The following DMD variants were observed in gnomAD, a reference collection of about 807,000 sequenced individuals.
The protein encoded by DMD is dystrophin.
DMD carries 63 observed loss-of-function variants against 330.1 expected under a neutral mutation model. That is an observed-to-expected ratio of 0.19 (90% CI 0.16 to 0.24). The LOEUF is 0.24. Among genes scored for constraint, DMD ranks in the 10% least tolerant of loss-of-function variants. DMD has a pLI of 1.00. For missense variants in DMD, 3,344 were observed against 2,684.1 expected, an observed-to-expected ratio of 1.25 and a Z score of -5.43; for synonymous variants, 1,223 against 959.8, an observed-to-expected ratio of 1.27 and a Z score of -5.07.
chrX:32,734,717 C>G (rs2068197178), intron 7 of DMD, among the ~76,000 whole-genome samples: 1 of 110,067 alleles, frequency 9.1e-6, no homozygotes, highest in African/African-American at 3.4e-5. Flanking sequence ...TTCAACAACC[C>G]TTCATGCTAA....
chrX:33,023,291 A>T (rs1418735149), intron 1 of DMD, among the ~76,000 whole-genome samples: 2 of 112,061 alleles, frequency 1.8e-5, no homozygotes. Flanking sequence ...CACAATAAAC[A>T]TGCTCATGCA....
intron 47 of DMD, among the ~76,000 whole-genome samples, chrX:31,894,195 T>G (rs770688309): frequency 8.9e-6 from 1 of 111,838 alleles, no homozygotes; most frequent in Admixed American, 9.5e-5. Flanking sequence ...ACAAAGCAAT[T>G]TTGGATGAGG....
At chrX:32,588,357 T>G (rs972291791) in intron 13 of DMD, among the ~76,000 whole-genome samples, 1 of 112,139 alleles carries the variant, frequency 8.9e-6, no homozygotes, top group African/African-American at 3.2e-5. Context: ...GAAATGAGTT[T>G]TCTATACATA....
chrX:31,289,901 TA>T (rs1451356935), intron 62 of DMD, among the ~76,000 whole-genome samples: 2 of 7,792 alleles, frequency 2.6e-4, no homozygotes, highest in African/African-American at 3.7e-3. Context: ...TTATTCTGTT[TA>T]TTATTATTAT....
rs192409523 is a variant in DMD at position 32,259,796 on chromosome X, G to A, written c.6290+27733C>T. On this transcript the variant is annotated intron_variant, in intron 43 of 78. Coordinates refer to ENST00000357033, the MANE Select transcript of DMD (RefSeq NM_004006.3). ...AGATAAATTAGGACTTTTGATCACC[G>A]TCCCATAAAAGCTTATAATTTGTCT... 3.6e-5 allele frequency among the ~76,000 whole-genome samples: 4 copies of A among 111,421 alleles called. No homozygotes were observed. In the East Asian group the frequency reaches 8.5e-4, roughly 24 times the overall value.
intron 51 of DMD, among the ~76,000 whole-genome samples, chrX:31,772,400 T>C (rs112092842): frequency 0.026 from 2,906 of 112,008 alleles, 96 homozygotes; most frequent in African/African-American, 0.09. Context: ...CATTATAAAA[T>C]ATTGTTTCCT....
At chrX:33,196,733 G>T (rs1484362121) in intron 1 of DMD, among the ~76,000 whole-genome samples, 1 of 111,502 alleles carries the variant, frequency 9.0e-6, no homozygotes, top group Non-Finnish European at 1.9e-5. Flanking sequence ...AAGTAAGCTT[G>T]TGAAGGGGCA....
chrX:32,563,960 A>C (rs1167685477), intron 16 of DMD, among the ~76,000 whole-genome samples: 1 of 111,608 alleles, frequency 9.0e-6, no homozygotes, highest in Non-Finnish European at 1.9e-5. Flanking sequence ...TTCATCACCC[A>C]GGTATTAAGC....
intron 53 of DMD, among the ~76,000 whole-genome samples, chrX:31,662,232 G>T (rs1159105623): frequency 9.0e-6 from 1 of 111,668 alleles, no homozygotes; most frequent in East Asian, 2.8e-4. Flanking sequence ...AGAATTCAGG[G>T]AGAACATTTA....
chrX:32,501,834 C>T lies in DMD; in HGVS notation c.2301G>A (p.Glu767=). 8.3e-7 allele frequency: 1 copy of T among 1,199,878 alleles called. No individual in the cohort carries two copies. The highest frequency in any genetic ancestry group is 1.1e-6 in the Non-Finnish European group (1 of 886,823). Residue 767 remains glutamate (E), a synonymous_variant, in exon 19 of 79, where the codon GAG becomes GAA. Transcript: ENST00000357033. ...TTCTGAACTTCTCAGCTTTTTCTCGCTCTATGGCCTGCAGCATGAGAGCAA... is the reference window on the plus strand; with the variant it reads ...TTCTGAACTTCTCAGCTTTTTCTCGTTCTATGGCCTGCAGCATGAGAGCAA... ...SDLKEKVNAI[E]REKAEKFRKL...
chrX:32,974,918 T>G (rs1170879581), intron 2 of DMD, among the ~76,000 whole-genome samples: 1 of 112,109 alleles, frequency 8.9e-6, no homozygotes, highest in African/African-American at 3.2e-5. Flanking sequence ...ATTAATGACT[T>G]TATTTGGTTA....
chrX:31,780,928 C>G (rs1386058476), intron 50 of DMD, among the ~76,000 whole-genome samples: 1 of 111,525 alleles, frequency 9.0e-6, no homozygotes, highest in Non-Finnish European at 1.9e-5. Context: ...TCATGATAAC[C>G]ATTTGTATTT....
At chrX:31,478,403 G>A in intron 58 of DMD, 29 bp from the exon 59 acceptor site, 2 of 1,209,961 alleles carry the variant, frequency 1.7e-6, no homozygotes, top group Non-Finnish European at 2.2e-6. Flanking sequence ...AAGGTTTTAG[G>A]CCACATTCTT....
intron 52 of DMD, among the ~76,000 whole-genome samples, chrX:31,700,732 ATT>A (rs1310155212): frequency 8.9e-6 from 1 of 112,182 alleles, no homozygotes; most frequent in African/African-American, 3.2e-5. Context: ...AAAATGAATA[ATT>A]TTTTTAAAAA....
intron 50 of DMD, among the ~76,000 whole-genome samples, chrX:31,785,553 C>T (rs753349475): frequency 9.0e-6 from 1 of 111,185 alleles, no homozygotes; most frequent in South Asian, 3.8e-4. Flanking sequence ...TTGCTGTACC[C>T]ATCAACCCTT....
At chrX:31,211,196 C>T (rs2044633439) in intron 64 of DMD, among the ~76,000 whole-genome samples, 1 of 111,940 alleles carries the variant, frequency 8.9e-6, no homozygotes, top group African/African-American at 3.2e-5. Flanking sequence ...GACGGGAGGA[C>T]GTGAGGAGGG....
chrX:32,607,627 C>A (rs1346805247), intron 12 of DMD, among the ~76,000 whole-genome samples: 1 of 109,914 alleles, frequency 9.1e-6, no homozygotes, highest in African/African-American at 3.3e-5. Context: ...TCATATTCAA[C>A]CTTATATTTT....
chrX:31,284,474 T>G (rs1217318160), intron 62 of DMD, among the ~76,000 whole-genome samples: 1 of 111,512 alleles, frequency 9.0e-6, no homozygotes, highest in Non-Finnish European at 1.9e-5. Context: ...ATCAATTTGA[T>G]ATCACTCCTT....
chrX:31,227,473 G>A lies in DMD; in HGVS notation c.9287-4352C>T, dbSNP rs377399079. 5.0e-4 allele frequency among the ~76,000 whole-genome samples: 56 copies of A among 111,594 alleles called. No homozygotes were observed. The East Asian group carries it at 0.012, about 24-fold the overall frequency. On this transcript the variant is annotated intron_variant, in intron 63 of 78. Transcript: ENST00000357033. ...AAGCCTTCTGCTACCAGTTTTCCAC[G>A]CACCAAAGTCCAATCCATTCTCAAA...
Sources: allele counts gnomAD v4.1 joint callset (sites outside exome capture counted in the v4.1 genomes callset), GRCh38; gene constraint gnomAD v4.1.1; transcripts MANE v1.5; gene names NCBI Gene and HGNC (gene_info 2026-07-23, HGNC 2026-07-21).